Variants in CDH9 observed in about 807,000 individuals in gnomAD.
The protein encoded by CDH9 is cadherin-9.
CDH9 carries 28 observed loss-of-function variants against 70.9 expected under a neutral mutation model. The observed-to-expected ratio is 0.40, with a 90% CI of 0.29 to 0.54. The LOEUF (loss-of-function observed/expected upper bound fraction) is 0.54, where lower values mean the gene tolerates loss of function less well. CDH9 is among the 20% of genes least tolerant of loss of function. CDH9 has a pLI of 0.59. For synonymous variants in CDH9, 409 were observed against 343.1 expected, an observed-to-expected ratio of 1.19 and a Z score of -2.12; for missense variants, 874 against 984.4, an observed-to-expected ratio of 0.89 and a Z score of 1.50.
At chr5:26,995,753 C>G (rs1424796625) in intron 1 of CDH9, among the ~76,000 whole-genome samples, 1 of 152,062 alleles carries the variant, frequency 6.6e-6, no homozygotes, top group Non-Finnish European at 1.5e-5. Context: ...ACTAAGTTTT[C>G]TATGCCTAAT....
At position 26,965,612 on chromosome 5, in the gene CDH9, T is replaced by A. The variant is rs114148617; in HGVS notation, c.228+22494A>T. Among the ~76,000 whole-genome samples the A allele has an allele frequency of 4.0e-3, 550 of 137,178 alleles. 5 individuals are homozygous for A. The highest frequency in any genetic ancestry group is 0.014 in the African/African-American group (527 of 37,052). 90.0% of individuals were successfully genotyped at this position (137,178 alleles called of 152,430 possible). On this transcript the variant is annotated intron_variant, in intron 2 of 11. Coordinates refer to ENST00000231021, the MANE Select transcript of CDH9 (RefSeq NM_016279.4). The stretch of plus-strand genomic sequence containing the variant: ...TAATAATAATAATAATAAATATTTC[T>A]CTTTAACAGCTGGTGATACATTTAT...
At chr5:26,966,413 A>C (rs1742130480) in intron 2 of CDH9, among the ~76,000 whole-genome samples, 2 of 152,196 alleles carry the variant, frequency 1.3e-5, no homozygotes, top group Non-Finnish European at 2.9e-5. Flanking sequence ...TCTAAATTGC[A>C]ACCGTTATTC....
intron 1 of CDH9, among the ~76,000 whole-genome samples, chr5:27,027,781 G>A (rs941242776): frequency 6.6e-6 from 1 of 151,956 alleles, no homozygotes. Context: ...ATGGGAGCTG[G>A]GAAGAGATCA....
chr5:27,023,673 C>T (rs987806319), intron 1 of CDH9, among the ~76,000 whole-genome samples: 3 of 151,820 alleles, frequency 2.0e-5, no homozygotes, highest in East Asian at 1.9e-4. Context: ...TGTAATAATC[C>T]GTAACTATAT....
rs2111961582 is a variant in CDH9, at chr5:26,881,541, G to A, written c.1965C>T (p.Asn655=). ...LIISKDDVRD[N]IVTYNDEGGG... is the part of the protein sequence containing the mutation. ...CGCCTTCATCGTTGTAGGTCACAAT[G>A]TTGTCCCGGACATCGTCTTTTGAAA... Residue 655 remains asparagine, a synonymous_variant, in exon 12 of 12, where the codon AAC becomes AAT. Transcript: ENST00000231021. The A allele has an allele frequency of 1.2e-6, 2 of 1,613,734 alleles. No homozygotes were observed. Among genetic ancestry groups the A allele is most frequent in the Non-Finnish European group, 1.7e-6 (2 of 1,179,772 alleles).
At chr5:26,924,264 G>A (rs1741297600) in intron 2 of CDH9, among the ~76,000 whole-genome samples, 1 of 151,780 alleles carries the variant, frequency 6.6e-6, no homozygotes, top group Non-Finnish European at 1.5e-5. Context: ...GGTTCTAAGA[G>A]CAATTATGTG....
rs551570334 is a variant in CDH9 at position 26,936,685 on chromosome 5, A to G, written c.229-20761T>C. Among the ~76,000 whole-genome samples, 53 of 152,274 alleles carry G rather than the reference A, an allele frequency of 3.5e-4. No homozygotes were observed. The South Asian group carries it at 0.011, about 31-fold the overall frequency. On this transcript the variant is annotated intron_variant, in intron 2 of 11. Coordinates refer to ENST00000231021, the MANE Select transcript of CDH9 (RefSeq NM_016279.4). ...AATCAAGACAGTGTGGTACTGGTGA[A>G]TAAGTAAACAAATAGATCAATGAAA...
intron 7 of CDH9, among the ~76,000 whole-genome samples, chr5:26,892,642 G>C (rs1740679429): frequency 6.6e-6 from 1 of 152,174 alleles, no homozygotes; most frequent in Admixed American, 6.5e-5. Flanking sequence ...TATATTCACA[G>C]TTTGGTGCTG....
At chr5:26,990,817 T>C (rs1579498583) in intron 1 of CDH9, among the ~76,000 whole-genome samples, 2 of 152,306 alleles carry the variant, frequency 1.3e-5, no homozygotes, top group African/African-American at 2.4e-5. Context: ...GTTTTGATCA[T>C]TGACCTTGCT....
At chr5:26,997,371 T>A (rs1579502844) in intron 1 of CDH9, among the ~76,000 whole-genome samples, 1 of 152,020 alleles carries the variant, frequency 6.6e-6, no homozygotes, top group East Asian at 1.9e-4. Flanking sequence ...TGAATGGAAA[T>A]CCAGGGAATC....
intron 2 of CDH9, among the ~76,000 whole-genome samples, chr5:26,958,898 T>G (rs1245886052): frequency 6.6e-6 from 1 of 152,086 alleles, no homozygotes; most frequent in African/African-American, 2.4e-5. Flanking sequence ...AACTACAAAT[T>G]CAAAACTCTT....
chr5:26,899,175 C>T (rs1324901720), intron 7 of CDH9, among the ~76,000 whole-genome samples: 4 of 151,904 alleles, frequency 2.6e-5, no homozygotes, highest in East Asian at 1.9e-4. Flanking sequence ...AAGCAAAAGA[C>T]GCTGGAGAGT....
chr5:26,935,710 A>G (rs1478044014), intron 2 of CDH9, among the ~76,000 whole-genome samples: 1 of 152,160 alleles, frequency 6.6e-6, no homozygotes, highest in East Asian at 1.9e-4. Flanking sequence ...CCCTTAAAGA[A>G]CTAAAAGTAG....
At chr5:26,940,104 A>G (rs1741634372) in intron 2 of CDH9, among the ~76,000 whole-genome samples, 1 of 151,620 alleles carries the variant, frequency 6.6e-6, no homozygotes, top group African/African-American at 2.4e-5. Flanking sequence ...CAGAGGTTGC[A>G]GTGAGCCAAG....
At chr5:27,019,512 A>AGAG (rs1743101126) in intron 1 of CDH9, among the ~76,000 whole-genome samples, 2 of 151,936 alleles carry the variant, frequency 1.3e-5, no homozygotes, top group South Asian at 4.1e-4. Context: ...CAAATTATCT[A>AGAG]GAGTTATTTT....
At chr5:26,889,717 GGACAAGAAGTATT>G (rs1298965615) in intron 9 of CDH9, 106 bp downstream of exon 9, 9 of 588,096 alleles carry the variant, frequency 1.5e-5, no homozygotes, top group Admixed American at 1.4e-4. Context: ...GATAAATGGT[GGACAAGAAGTATT>G]GACAACAGCC....
At chr5:27,010,973 A>C (rs2112115073) in intron 1 of CDH9, among the ~76,000 whole-genome samples, 1 of 152,220 alleles carries the variant, frequency 6.6e-6, no homozygotes, top group Middle Eastern at 3.4e-3. Context: ...ATGTTCCCAT[A>C]ATTGTCAAGA....
intron 7 of CDH9, among the ~76,000 whole-genome samples, chr5:26,892,532 T>C (rs1740678112): frequency 6.6e-6 from 1 of 152,196 alleles, no homozygotes; most frequent in African/African-American, 2.4e-5. Context: ...GCCTCTGCTG[T>C]AGTCCTCATT....
intron 3 of CDH9, among the ~76,000 whole-genome samples, chr5:26,909,957 T>C (rs1741020178): frequency 6.6e-6 from 1 of 151,898 alleles, no homozygotes; most frequent in South Asian, 2.1e-4. Flanking sequence ...ATTATTATAA[T>C]TTAAAGATAA....
Sources: gnomAD v4.1 joint callset for allele counts (sites outside exome capture counted in the v4.1 genomes callset) on GRCh38, gnomAD v4.1.1 for gene constraint, MANE v1.5 for transcripts, NCBI Gene and HGNC (gene_info 2026-07-23, HGNC 2026-07-21) for gene names.